The following PDE7B variants were observed in gnomAD, a reference collection of about 807,000 sequenced individuals.
PDE7B encodes the protein phosphodiesterase 7B, also known as 3',5'-cyclic-AMP phosphodiesterase 7B.
In PDE7B, 29 loss-of-function variants were observed where a neutral mutation model predicts 56.2. The ratio of observed to expected loss-of-function variants is 0.52; its 90% CI spans 0.38 to 0.70. The LOEUF (loss-of-function observed/expected upper bound fraction) is 0.70. Among genes scored for constraint, PDE7B ranks in the 30% least tolerant of loss-of-function variants. The pLI, the probability that PDE7B is intolerant of heterozygous loss-of-function variation, is 0.00. For missense variants in PDE7B, 490 were observed against 565.0 expected (o/e 0.87, Z 1.35); for synonymous variants, 197 against 196.9 (o/e 1.00, Z 0.00).
intron 2 of PDE7B, among the ~76,000 whole-genome samples, chr6:136,108,125 CAAAA>C (rs60727586): frequency 1.8e-5 from 2 of 108,674 alleles, no homozygotes; most frequent in South Asian, 3.3e-4. Context: ...GACTCCATGT[CAAAA>C]AAAAAAAAAA....
chr6:136,109,042 G>A (rs1314450441), intron 3 of PDE7B, among the ~76,000 whole-genome samples: 1 of 152,092 alleles, frequency 6.6e-6, no homozygotes, highest in Non-Finnish European at 1.5e-5. Context: ...ATGAGATCAG[G>A]TCAGCTTTAA....
intron 2 of PDE7B, among the ~76,000 whole-genome samples, chr6:136,010,394 TTTTTTTTTTTTTTTTGGTTTTG>T (rs1250352624): frequency 6.6e-6 from 1 of 150,954 alleles, no homozygotes; most frequent in African/African-American, 2.4e-5. Context: ...CCCTTCTTTT[TTTTTTTTTTTTTTTTGGTTTTG>T]TTTTTTGAGA....
chr6:136,170,064 A>G (rs1319461279), intron 8 of PDE7B, among the ~76,000 whole-genome samples: 4 of 152,174 alleles, frequency 2.6e-5, no homozygotes, highest in African/African-American at 9.6e-5. Flanking sequence ...TTTAGAATCA[A>G]GAATAGTTGC....
intron 9 of PDE7B, among the ~76,000 whole-genome samples, chr6:136,175,215 G>A (rs180745918): frequency 6.6e-6 from 1 of 152,080 alleles, no homozygotes; most frequent in Non-Finnish European, 1.5e-5. Flanking sequence ...AATTGTTTTT[G>A]CCAGAAGAAT....
rs1471563191 is a variant in PDE7B, at chr6:136,191,037, T to TTTTTTTTA, written c.1127-577_1127-576insTTTTTTTA. ...ACTTTTTTTTTTTTTTTTTTTTTTT[T>TTTTTTTTA]ACTTATATGTCTTTCTCCCTCTGCA... On this transcript the variant is annotated intron_variant, in intron 12 of 12. Coordinates refer to ENST00000308191, the MANE Select transcript of PDE7B (RefSeq NM_018945.4). 3.2e-3 allele frequency among the ~76,000 whole-genome samples: 463 copies of TTTTTTTTA among 143,066 alleles called. 8 individuals carry two copies. The highest frequency in any genetic ancestry group is 0.013 in the African/African-American group (442 of 34,738). 93.9% of individuals were successfully genotyped at this position (143,066 alleles called of 152,430 possible).
chr6:136,105,623 A>G (rs1764180693), intron 2 of PDE7B, among the ~76,000 whole-genome samples: 1 of 152,194 alleles, frequency 6.6e-6, no homozygotes, highest in South Asian at 2.1e-4. Flanking sequence ...TTTCCTTACA[A>G]CAACTCTGTG....
chr6:136,126,370 C>A (rs574984810), intron 3 of PDE7B, among the ~76,000 whole-genome samples: 5 of 152,306 alleles, frequency 3.3e-5, no homozygotes, highest in South Asian at 2.1e-4. Flanking sequence ...TACAAGAGAA[C>A]AACCACTATG....
intron 1 of PDE7B, among the ~76,000 whole-genome samples, chr6:135,922,737 A>G (rs928468484): frequency 6.6e-6 from 1 of 152,212 alleles, no homozygotes; most frequent in African/African-American, 2.4e-5. Context: ...AGTAAAATTA[A>G]CAACATACCT....
chr6:135,854,516 G>A (rs528751964), intron 1 of PDE7B, among the ~76,000 whole-genome samples: 2 of 152,276 alleles, frequency 1.3e-5, no homozygotes, highest in East Asian at 1.9e-4. Flanking sequence ...CTATGTTCTA[G>A]GGGGTACATT....
At chr6:135,949,939 C>A (rs9483897) in intron 2 of PDE7B, among the ~76,000 whole-genome samples, 4 of 151,922 alleles carry the variant, frequency 2.6e-5, no homozygotes, top group Admixed American at 6.6e-5. Flanking sequence ...ATATTTAAGA[C>A]GGCTTAGATT....
intron 2 of PDE7B, chr6:136,096,010 C>G (rs1777466104): frequency 6.6e-6 from 1 of 152,138 alleles, no homozygotes; most frequent in Non-Finnish European, 1.5e-5. Context: ...TAGGTTTTTC[C>G]ATCTGTTTCC....
intron 2 of PDE7B, among the ~76,000 whole-genome samples, chr6:136,088,959 A>G (rs373539840): frequency 2.0e-5 from 3 of 151,916 alleles, no homozygotes; most frequent in Non-Finnish European, 4.4e-5. Context: ...CCTCTTCCTC[A>G]GGTTCCCATC....
chr6:136,116,218 A>G (rs775212530), intron 3 of PDE7B, among the ~76,000 whole-genome samples: 3 of 152,232 alleles, frequency 2.0e-5, no homozygotes, highest in Non-Finnish European at 4.4e-5. Context: ...GGAGTTGCCT[A>G]TAAGGGAGAC....
At chr6:136,047,081 T>C (rs17836046) in intron 2 of PDE7B, among the ~76,000 whole-genome samples, 4,380 of 152,324 alleles carry the variant, frequency 0.029, 83 homozygotes, top group Non-Finnish European at 0.044. Flanking sequence ...AGTTACTATG[T>C]GCTAGGCCCT....
chr6:135,852,755 C>T (rs1268053113), intron 1 of PDE7B, among the ~76,000 whole-genome samples: 17 of 152,076 alleles, frequency 1.1e-4, no homozygotes, highest in Admixed American at 1.1e-3. Flanking sequence ...TTATCTTTTC[C>T]TACAATAGTT....
chr6:135,971,901 G>A (rs769444926), intron 2 of PDE7B, among the ~76,000 whole-genome samples: 4 of 152,120 alleles, frequency 2.6e-5, no homozygotes, highest in Non-Finnish European at 4.4e-5. Flanking sequence ...TGGTGTTATT[G>A]TTCCAGCCAT....
At chr6:136,153,035 A>G (rs1583911653) in intron 6 of PDE7B, among the ~76,000 whole-genome samples, 1 of 152,256 alleles carries the variant, frequency 6.6e-6, no homozygotes, top group East Asian at 1.9e-4. Flanking sequence ...CCTGCTGAAT[A>G]AAAAGTATGT....
intron 1 of PDE7B, among the ~76,000 whole-genome samples, chr6:135,859,071 AAAG>A (rs1048517857): frequency 8.5e-5 from 13 of 152,136 alleles, no homozygotes; most frequent in African/African-American, 2.9e-4. Context: ...AAAAAAAAAA[AAAG>A]ACCTTCATTT....
chr6:136,194,343 C>CAATT lies in PDE7B; in HGVS notation c.*2505_*2508dup. 6.6e-6 allele frequency: 1 copy of CAATT among 152,068 alleles called. No individual in the cohort carries two copies. Among genetic ancestry groups the CAATT allele is most frequent in the East Asian group, 1.9e-4 (1 of 5,166 alleles). The allele number at this position is 152,068 out of a possible 1,614,324, so 9.4% of individuals were successfully genotyped here. ...AGTTCTGAGTTGATAGTTTACATTA[C>CAATT]AATTAGGTCTTGAAGAAGAGCTCAC... is the stretch of plus-strand genomic sequence containing the variant. On this transcript the variant is annotated 3_prime_UTR_variant, in exon 13 of 13. Coordinates refer to ENST00000308191, the MANE Select transcript of PDE7B (RefSeq NM_018945.4).
Sources: gnomAD v4.1 joint callset for allele counts (sites outside exome capture counted in the v4.1 genomes callset) on GRCh38, gnomAD v4.1.1 for gene constraint, MANE v1.5 for transcripts, NCBI Gene and HGNC (gene_info 2026-07-23, HGNC 2026-07-21) for gene names.